NEK9: variants seen among roughly 807,000 people sequenced by gnomAD.
NEK9 encodes the protein serine/threonine-protein kinase Nek9.
NEK9 carries 75 observed loss-of-function variants against 123.4 expected under a neutral mutation model. That is an observed-to-expected ratio of 0.61 (90% confidence interval 0.50 to 0.74). NEK9 has a LOEUF of 0.74. NEK9 is among the 30% of genes least tolerant of loss of function. The pLI is 0.00. For missense variants in NEK9, 952 were observed against 1,214.4 expected, an observed-to-expected ratio of 0.78 and a Z score of 3.21; for synonymous variants, 438 against 458.7, an observed-to-expected ratio of 0.95 and a Z score of 0.58.
chr14:75,113,503 T>C, intron 7 of NEK9, 100 bp from the exon 8 acceptor site: 2 of 842,874 alleles, frequency 2.4e-6, no homozygotes, highest in Non-Finnish European at 3.9e-6. Flanking sequence ...ATCCTTTTGT[T>C]TTAAAAATCA....
chr14:75,112,938 T>C (rs1895004681), intron 8 of NEK9, among the ~76,000 whole-genome samples: 1 of 152,250 alleles, frequency 6.6e-6, no homozygotes, highest in Admixed American at 6.5e-5. Flanking sequence ...TCTTTAATCC[T>C]GACCTCATCT....
chr14:75,086,608 C>T (rs1278002694), intron 21 of NEK9: 1 of 168,612 alleles, frequency 5.9e-6, no homozygotes, highest in Non-Finnish European at 1.3e-5. Context: ...AAAATGGTAT[C>T]ATTAAAAACT....
At chr14:75,092,168 C>T (rs957458485) in intron 18 of NEK9, among the ~76,000 whole-genome samples, 2 of 151,878 alleles carry the variant, frequency 1.3e-5, no homozygotes, top group Admixed American at 6.6e-5. Context: ...TTAGTAGAGG[C>T]GGGGTTTCAC....
intron 7 of NEK9, 31 bp downstream of exon 7, chr14:75,114,172 A>G: frequency 6.7e-7 from 1 of 1,492,276 alleles, no homozygotes; most frequent in Non-Finnish European, 9.4e-7. Context: ...GGGAAATACG[A>G]AACTGAAGTG....
In NEK9 at chr14:75,091,378, G is replaced by A. The variant is rs1183242841; in HGVS notation, c.2334C>T (p.Phe778=). ...ESETPDPSGG[F]RGTMEADRGM... ...CTCGGTCTGCTTCCATTGTTCCTCGGAAGCCTCCACTTGGGTCAGGAGTTT... is the reference window on the plus strand; with the variant it reads ...CTCGGTCTGCTTCCATTGTTCCTCGAAAGCCTCCACTTGGGTCAGGAGTTT... The change falls in exon 19 of 22, where the codon TTC becomes TTT. Residue 778 remains phenylalanine (F), a synonymous_variant. Transcript: ENST00000238616. 6.2e-7 allele frequency: 1 copy of A among 1,613,814 alleles called. No individual in the cohort carries two copies. The highest frequency in any genetic ancestry group is 1.3e-5 in the African/African-American group (1 of 74,906).
chr14:75,094,321 C>T (rs546513128), intron 18 of NEK9, among the ~76,000 whole-genome samples: 2 of 152,136 alleles, frequency 1.3e-5, no homozygotes, highest in South Asian at 2.1e-4. Context: ...GCTATGTTGC[C>T]CAGGCCGGAT....
At chr14:75,122,911 T>A (rs1446646939) in intron 2 of NEK9, among the ~76,000 whole-genome samples, 2 of 140,746 alleles carry the variant, frequency 1.4e-5, no homozygotes, top group Non-Finnish European at 3.0e-5. Context: ...CCATCCTCCC[T>A]CCTCAGCCTC....
chr14:75,102,343 G>GT (rs921257423), intron 14 of NEK9, among the ~76,000 whole-genome samples: 3 of 151,782 alleles, frequency 2.0e-5, no homozygotes, highest in South Asian at 2.1e-4. Flanking sequence ...TGTTTTTTTT[G>GT]TTTTTTTATT....
In NEK9 at chr14:75,114,199, C is replaced by G. The variant is rs1465970683; in HGVS notation, c.873+4G>C. On this transcript the variant is annotated splice_donor_region_variant and intron_variant, in intron 7 of 21. Coordinates refer to ENST00000238616, the MANE Select transcript of NEK9 (RefSeq NM_033116.6). ...ACTGAAGTGAATGTTTAAGTCACAC[C>G]TACCTGGTCAAGGCACGAATGAACC... 5 of 1,603,958 alleles carry G rather than the reference C, an allele frequency of 3.1e-6. No homozygotes were observed. Among genetic ancestry groups the G allele is most frequent in the Non-Finnish European group, 4.3e-6 (5 of 1,170,854 alleles).
intron 4 of NEK9, among the ~76,000 whole-genome samples, chr14:75,119,666 T>A (rs1895259420): frequency 1.3e-5 from 2 of 152,198 alleles, no homozygotes; most frequent in South Asian, 4.1e-4. Flanking sequence ...AAGTTTCAAA[T>A]AATCTGTTAA....
chr14:75,094,713 G>A (rs1894324436), intron 18 of NEK9, among the ~76,000 whole-genome samples: 1 of 152,174 alleles, frequency 6.6e-6, no homozygotes, highest in Admixed American at 6.5e-5. Flanking sequence ...CTGGGAGGCA[G>A]AGGATGCAGT....
intron 3 of NEK9, 39 bp from the exon 4 acceptor site, chr14:75,120,619 A>C (rs763194816): frequency 2.0e-6 from 3 of 1,519,516 alleles, no homozygotes; most frequent in Non-Finnish European, 2.7e-6. Context: ...AGAAACAAAA[A>C]GCTCCATTTA....
intron 10 of NEK9, among the ~76,000 whole-genome samples, chr14:75,109,118 T>C (rs1286184634): frequency 6.6e-6 from 1 of 152,172 alleles, no homozygotes. Flanking sequence ...GTGGCAGAGA[T>C]GGAAGCTGCA....
At position 75,109,717 on chromosome 14, in the gene NEK9, C is replaced by T. The variant is rs1336076856; in HGVS notation, c.1150G>A (p.Val384Ile). Residue 384 changes from valine (V) to isoleucine (I), a missense_variant, in exon 10 of 22, where the codon GTC (valine) becomes ATC (isoleucine). By Grantham distance (29) the Val-to-Ile change is conservative. This residue lies in a region of NEK9 where 698 missense variants were observed against 875.6 expected (regional missense o/e 0.80). Transcript: ENST00000238616. ...GTGTACAGTTCCTTCTCCACTGTGA[C>T]CACAGCAAAGTGGGTATTCCCTGCA... The part of the protein sequence containing the change: ...VCAGNTHFAV[V>I]TVEKELYTWV... The T allele has an allele frequency of 6.2e-7, 1 of 1,614,026 alleles. No individual in the cohort carries two copies. Among genetic ancestry groups the T allele is most frequent in the Admixed American group, 1.7e-5 (1 of 59,964 alleles).
At chr14:75,100,525 T>C (rs1894540991) in intron 16 of NEK9, among the ~76,000 whole-genome samples, 1 of 152,166 alleles carries the variant, frequency 6.6e-6, no homozygotes, top group African/African-American at 2.4e-5. Flanking sequence ...CTCAGAAATC[T>C]GAGAGATACA....
intron 16 of NEK9, among the ~76,000 whole-genome samples, chr14:75,100,703 A>G (rs555166834): frequency 1.4e-3 from 220 of 152,350 alleles, no homozygotes; most frequent in Non-Finnish European, 2.8e-3. Context: ...GAAGTACTTA[A>G]TAATTCTTAT....
At chr14:75,102,907 T>G (rs148951427) in intron 14 of NEK9, among the ~76,000 whole-genome samples, 49 of 152,208 alleles carry the variant, frequency 3.2e-4, no homozygotes, top group African/African-American at 1.1e-3. Context: ...TATGGATGAA[T>G]CTGGAAACCA....
chr14:75,117,213 C>T lies in NEK9; in HGVS notation c.744G>A (p.Lys248=), dbSNP rs753152758. The part of the protein sequence containing the change: ...GCVIFELLTL[K]RTFDATNPLN... The stretch of plus-strand genomic sequence containing the variant: ...AACTTACTGTAGCATCAAACGTCCT[C>T]TTTAAGGTAAGCAGTTCAAAAATGA... Residue 248 remains lysine, a synonymous_variant, in exon 6 of 22, where the codon AAG becomes AAA. Transcript: ENST00000238616. The T allele has an allele frequency of 4.1e-5, 66 of 1,613,212 alleles. No individual in the cohort carries two copies. The highest frequency in any genetic ancestry group is 3.5e-4 in the South Asian group (32 of 90,940).
chr14:75,103,736 A>T (rs1894668206), intron 14 of NEK9, 106 bp downstream of exon 14: 1 of 1,258,282 alleles, frequency 7.9e-7, no homozygotes, highest in African/African-American at 1.5e-5. Context: ...ATGAGACCAT[A>T]ACTAAAGTCA....
Sources: gnomAD v4.1 joint callset for allele counts (sites outside exome capture counted in the v4.1 genomes callset) on GRCh38, gnomAD v4.1.1 for gene constraint, gnomAD v4.1.1 regional missense constraint, MANE v1.5 for transcripts, NCBI Gene and HGNC (gene_info 2026-07-23, HGNC 2026-07-21) for gene names.